The following TENT4A variants were observed in gnomAD, a reference collection of about 807,000 sequenced individuals.
The protein encoded by TENT4A is DNA polymerase kappa.
TENT4A carries 7 observed loss-of-function variants against 72.8 expected under a neutral mutation model. The ratio of observed to expected loss-of-function variants is 0.10; its 90% CI spans 0.05 to 0.18. TENT4A has a LOEUF of 0.18. Ranked by LOEUF, TENT4A falls within the 10% of genes least tolerant of loss-of-function variation. The pLI, the probability that TENT4A is intolerant of heterozygous loss-of-function variation, is 1.00. For missense variants in TENT4A, 831 were observed against 1,017.7 expected (o/e 0.82, Z 2.50); for synonymous variants, 456 against 434.3 (o/e 1.05, Z -0.62).
intron 8 of TENT4A, among the ~76,000 whole-genome samples, chr5:6,749,232 C>G (rs1236059037): frequency 1.3e-5 from 2 of 152,138 alleles, no homozygotes; most frequent in Non-Finnish European, 2.9e-5. Context: ...GGGCACTCGT[C>G]TCGGTACCGT....
At position 6,713,962 on chromosome 5, in the gene TENT4A, GC is replaced by G; in HGVS notation, c.-18del. On this transcript the variant is annotated 5_prime_UTR_variant, in exon 1 of 13. Transcript: ENST00000230859. Reference sequence around the variant, plus strand: ...CGCGTCGGGGCGGGCGGGCGCGCGGGCCCCGCGGGGGCGGCGCGTGGATGGA... The same window carrying G: ...CGCGTCGGGGCGGGCGGGCGCGCGGGCCCGCGGGGGCGGCGCGTGGATGGA... 1.0e-6 allele frequency: 1 copy of G among 952,804 alleles called. No individual in the cohort carries two copies. Among genetic ancestry groups the G allele is most frequent in the Non-Finnish European group, 1.2e-6 (1 of 803,248 alleles). 59.0% of individuals were successfully genotyped at this position (952,804 alleles called of 1,614,324 possible). A position where few individuals can be genotyped will look rare whatever the true frequency, so the allele number is the denominator to read the frequency against.
intron 1 of TENT4A, among the ~76,000 whole-genome samples, chr5:6,721,556 G>C (rs1231230841): frequency 6.6e-6 from 1 of 152,160 alleles, no homozygotes; most frequent in Non-Finnish European, 1.5e-5. Context: ...TCCACCATTG[G>C]GCCACTAGAG....
intron 1 of TENT4A, among the ~76,000 whole-genome samples, chr5:6,737,093 A>T (rs1035109104): frequency 1.3e-5 from 2 of 152,170 alleles, no homozygotes; most frequent in Non-Finnish European, 2.9e-5. Flanking sequence ...CCTTAGCGTG[A>T]GGCACTCAGG....
chr5:6,745,715 A>G (rs1579490167), intron 6 of TENT4A, among the ~76,000 whole-genome samples: 2 of 152,174 alleles, frequency 1.3e-5, no homozygotes, highest in African/African-American at 4.8e-5. Flanking sequence ...GAAGCTTGCT[A>G]TAAATATTGT....
In TENT4A at chr5:6,756,602, A is replaced by C. The variant is rs1010701074; in HGVS notation, c.*1657A>C. 1 of 152,456 alleles carries C rather than the reference A, an allele frequency of 6.6e-6. No homozygotes were observed. The highest frequency in any genetic ancestry group is 2.4e-5 in the African/African-American group (1 of 41,440). The allele number at this position is 152,456 out of a possible 1,614,324, so 9.4% of individuals were successfully genotyped here. A position where few individuals can be genotyped will look rare whatever the true frequency, so the allele number is the denominator to read the frequency against. On this transcript the variant is annotated 3_prime_UTR_variant, in exon 13 of 13. Coordinates refer to ENST00000230859, the MANE Select transcript of TENT4A (RefSeq NM_006999.6). ...CAGCTGCGACTGCAGGTTCTCTAGGAGGCATTCCAGAATAGAGTAGCACAC... is the reference window on the plus strand; with the variant it reads ...CAGCTGCGACTGCAGGTTCTCTAGGCGGCATTCCAGAATAGAGTAGCACAC...
intron 1 of TENT4A, 187 bp downstream of exon 1, chr5:6,714,886 T>G: frequency 3.5e-6 from 1 of 284,186 alleles, no homozygotes. Context: ...TGGAGTGACT[T>G]GCCCAGATCC....
At chr5:6,747,171 C>T (rs1170931926) in intron 7 of TENT4A, among the ~76,000 whole-genome samples, 1 of 152,180 alleles carries the variant, frequency 6.6e-6, no homozygotes, top group African/African-American at 2.4e-5. Flanking sequence ...AGGTGAGATA[C>T]CATTCTTACT....
rs531852715 is a variant in TENT4A, at chr5:6,754,743, T to C, written c.2185-8T>C. The C allele has an allele frequency of 3.8e-6, 6 of 1,564,226 alleles. No homozygotes were observed. In the African/African-American group the frequency reaches 6.8e-5, roughly 18 times the overall value. On this transcript the variant is annotated splice_polypyrimidine_tract_variant and splice_region_variant and intron_variant, in intron 12 of 12. Coordinates refer to ENST00000230859, the MANE Select transcript of TENT4A (RefSeq NM_006999.6). ...GGCTCCAACACTGCTGTCTCTCTCT[T>C]TCTCCAGCAGCACAACGGCATGAAA...
chr5:6,740,320 T>C (rs389907), intron 4 of TENT4A, among the ~76,000 whole-genome samples: 132,722 of 152,156 alleles, frequency 0.87, 59,835 homozygotes, highest in East Asian at 0.99. Flanking sequence ...TGAAAAGCCT[T>C]TTATCTTTGG....
chr5:6,714,844 GTTTTT>G, intron 1 of TENT4A, 145 bp downstream of exon 1: 1 of 322,074 alleles, frequency 3.1e-6, no homozygotes, highest in South Asian at 1.5e-4. Context: ...TGCACTGAAA[GTTTTT>G]TTTTTAAACA....
intron 1 of TENT4A, among the ~76,000 whole-genome samples, chr5:6,727,862 G>C (rs113192569): frequency 6.6e-6 from 1 of 152,160 alleles, no homozygotes; most frequent in Non-Finnish European, 1.5e-5. Flanking sequence ...TATCAGCCAG[G>C]GTATGCTGTG....
intron 1 of TENT4A, among the ~76,000 whole-genome samples, chr5:6,725,298 G>A (rs928122448): frequency 4.6e-5 from 7 of 152,138 alleles, no homozygotes; most frequent in Admixed American, 1.3e-4. Flanking sequence ...TCCAGCCTGC[G>A]TGACAGAGCG....
intron 1 of TENT4A, among the ~76,000 whole-genome samples, chr5:6,720,432 A>T (rs897515675): frequency 9.9e-5 from 15 of 152,126 alleles, no homozygotes; most frequent in African/African-American, 3.4e-4. Flanking sequence ...ACTCTTGCAG[A>T]TTGCCAGTTC....
chr5:6,730,905 G>T (rs1741178215), intron 1 of TENT4A, among the ~76,000 whole-genome samples: 1 of 152,074 alleles, frequency 6.6e-6, no homozygotes, highest in Non-Finnish European at 1.5e-5. Flanking sequence ...CTTTAAAGAG[G>T]ATCATTGATC....
intron 1 of TENT4A, among the ~76,000 whole-genome samples, chr5:6,731,600 T>G (rs1421971597): frequency 6.6e-6 from 1 of 150,738 alleles, no homozygotes; most frequent in Non-Finnish European, 1.5e-5. Context: ...AGTGCAGTGG[T>G]GTAATCACCA....
intron 7 of TENT4A, among the ~76,000 whole-genome samples, chr5:6,747,761 T>C (rs1017037080): frequency 2.6e-5 from 4 of 152,214 alleles, no homozygotes; most frequent in Non-Finnish European, 4.4e-5. Context: ...TTAGAACATA[T>C]ATCCTTTAAA....
At position 6,714,222 on chromosome 5, in the gene TENT4A, CGCCCGCCGCGCT is replaced by C; in HGVS notation, c.244_255del (p.Ala82_Pro85del). 1 of 986,288 alleles carries C rather than the reference CGCCCGCCGCGCT, an allele frequency of 1.0e-6. No individual in the cohort carries two copies. Among genetic ancestry groups the C allele is most frequent in the Non-Finnish European group, 1.2e-6 (1 of 832,134 alleles). 61.1% of individuals were successfully genotyped at this position (986,288 alleles called of 1,614,324 possible). A position where few individuals can be genotyped will look rare whatever the true frequency, so the allele number is the denominator to read the frequency against. ...TCGCCCCCGCCGCCCGGCCCCACCG[CGCCCGCCGCGCT>C]GCCCCCCGCGCTGCTGACGGCGCTG... On this transcript the variant is annotated inframe_deletion, in exon 1 of 13. Transcript: ENST00000230859.
At chr5:6,742,018 A>T (rs1011413560) in intron 4 of TENT4A, among the ~76,000 whole-genome samples, 1 of 152,264 alleles carries the variant, frequency 6.6e-6, no homozygotes, top group Non-Finnish European at 1.5e-5. Flanking sequence ...TAGGGGAAAA[A>T]TTTTTTTAGT....
intron 7 of TENT4A, 87 bp from the exon 8 acceptor site, chr5:6,748,377 C>A (rs1475335194): frequency 1.3e-6 from 2 of 1,550,096 alleles, no homozygotes; most frequent in Non-Finnish European, 1.8e-6. Context: ...TGAGGGCCTG[C>A]TTCAGAGTCA....
Sources: allele counts gnomAD v4.1 joint callset (sites outside exome capture counted in the v4.1 genomes callset), GRCh38; gene constraint gnomAD v4.1.1; transcripts MANE v1.5; gene names NCBI Gene and HGNC (gene_info 2026-07-23, HGNC 2026-07-21).